Variants in YES1 observed in about 807,000 individuals in gnomAD.
The protein encoded by YES1 is tyrosine-protein kinase Yes.
In YES1, 39 loss-of-function variants were observed where a neutral mutation model predicts 70.4. The ratio of observed to expected loss-of-function variants is 0.55; its 90% confidence interval spans 0.43 to 0.72. The LOEUF is 0.72. Ranked by LOEUF, YES1 falls within the 30% of genes least tolerant of loss-of-function variation. The pLI, the probability that YES1 is intolerant of heterozygous loss-of-function variation, is 0.00. For missense variants in YES1, 495 were observed against 644.8 expected, an observed-to-expected ratio of 0.77 and a Z score of 2.52; for synonymous variants, 198 against 218.6, an observed-to-expected ratio of 0.91 and a Z score of 0.83.
intron 1 of YES1, among the ~76,000 whole-genome samples, chr18:775,933 CTTTTA>C (rs1404328943): frequency 6.6e-6 from 1 of 152,142 alleles, no homozygotes; most frequent in Non-Finnish European, 1.5e-5. Flanking sequence ...GTGTAGCATT[CTTTTA>C]TATGAATATA....
intron 1 of YES1, among the ~76,000 whole-genome samples, chr18:804,850 G>A (rs1907010314): frequency 7.2e-6 from 1 of 139,362 alleles, no homozygotes; most frequent in African/African-American, 2.7e-5. Context: ...GGAGGCTGAG[G>A]TTGTAGTGAG....
At chr18:796,096 A>C (rs1906531345) in intron 1 of YES1, among the ~76,000 whole-genome samples, 1 of 152,224 alleles carries the variant, frequency 6.6e-6, no homozygotes. Context: ...AAGTAACATT[A>C]AATCAAAATC....
At chr18:747,079 A>G (rs1050628168) in intron 4 of YES1, among the ~76,000 whole-genome samples, 5 of 152,224 alleles carry the variant, frequency 3.3e-5, no homozygotes, top group Admixed American at 2.6e-4. Context: ...TATAAAACTA[A>G]CTGAAAGTAA....
At chr18:799,422 T>C (rs961369483) in intron 1 of YES1, among the ~76,000 whole-genome samples, 1 of 152,150 alleles carries the variant, frequency 6.6e-6, no homozygotes, top group African/African-American at 2.4e-5. Flanking sequence ...AGAAGTATGG[T>C]TGTGAGGCTG....
intron 1 of YES1, chr18:797,972 C>A (rs773597653): frequency 3.9e-5 from 6 of 152,102 alleles, no homozygotes; most frequent in Non-Finnish European, 7.4e-5. Flanking sequence ...ACTATGATCT[C>A]TTAGGACAAA....
intron 1 of YES1, among the ~76,000 whole-genome samples, chr18:757,145 G>A (rs1410608474): frequency 6.6e-6 from 1 of 152,172 alleles, no homozygotes; most frequent in African/African-American, 2.4e-5. Flanking sequence ...TTTGAATCCT[G>A]GCTTCCTACT....
At chr18:804,164 A>C (rs1206647627) in intron 1 of YES1, among the ~76,000 whole-genome samples, 1 of 152,210 alleles carries the variant, frequency 6.6e-6, no homozygotes, top group East Asian at 1.9e-4. Flanking sequence ...TTTGTCAATT[A>C]AAAAAATTAA....
intron 3 of YES1, among the ~76,000 whole-genome samples, chr18:748,946 A>G (rs2080310935): frequency 6.6e-6 from 1 of 152,062 alleles, no homozygotes; most frequent in African/African-American, 2.4e-5. Context: ...AGATCACCTG[A>G]GGTCCAGAGT....
rs1267488241 is a variant in YES1 at position 736,970 on chromosome 18, G to A, written c.1138-9C>T. ...GCCATACCATCAGCAATCTTGGAAA[G>A]AGAAAAACAAAAAACACAAGACATA... On this transcript the variant is annotated splice_polypyrimidine_tract_variant and intron_variant, in intron 9 of 11. Coordinates refer to ENST00000314574, the MANE Select transcript of YES1 (RefSeq NM_005433.4). The A allele has an allele frequency of 3.1e-6, 5 of 1,593,022 alleles. No homozygotes were observed. Among genetic ancestry groups the A allele is most frequent in the Admixed American group, 3.5e-5 (2 of 57,376 alleles).
chr18:783,759 G>A (rs1024906439), intron 1 of YES1, among the ~76,000 whole-genome samples: 11 of 151,952 alleles, frequency 7.2e-5, no homozygotes, highest in African/African-American at 2.7e-4. Context: ...GGGATTACAG[G>A]CGCTGCCACC....
In YES1 at chr18:721,807, T is replaced by C. The variant is rs1049674631; in HGVS notation, c.*2617A>G. ...CACAAAACAATATTACAATACTTTATAAAAATATTAAGTTTAGGCTACCAT... is the reference window on the plus strand; with the variant it reads ...CACAAAACAATATTACAATACTTTACAAAAATATTAAGTTTAGGCTACCAT... On this transcript the variant is annotated 3_prime_UTR_variant, in exon 12 of 12. Transcript: ENST00000314574. The C allele has an allele frequency of 2.0e-5, 3 of 152,622 alleles. No individual in the cohort carries two copies. Among genetic ancestry groups the C allele is most frequent in the Admixed American group, 6.5e-5 (1 of 15,276 alleles). 9.5% of individuals were successfully genotyped at this position (152,622 alleles called of 1,614,324 possible).
At chr18:740,010 T>C (rs1186541567) in intron 8 of YES1, among the ~76,000 whole-genome samples, 199 bp from the exon 9 acceptor site, 1 of 152,168 alleles carries the variant, frequency 6.6e-6, no homozygotes, top group Non-Finnish European at 1.5e-5. Flanking sequence ...AAACTTCTGA[T>C]AACACATGCA....
chr18:751,488 T>G (rs1469445634), intron 3 of YES1, among the ~76,000 whole-genome samples: 2 of 152,226 alleles, frequency 1.3e-5, no homozygotes, highest in Non-Finnish European at 2.9e-5. Context: ...CTACTGTTTA[T>G]GGCAGAACCA....
chr18:798,012 C>T (rs1003847873), intron 1 of YES1: 1 of 152,112 alleles, frequency 6.6e-6, no homozygotes. Context: ...GAACACAGTC[C>T]CTCACTACTA....
At chr18:743,823 A>G (rs573624182) in intron 6 of YES1, among the ~76,000 whole-genome samples, 48 of 151,736 alleles carry the variant, frequency 3.2e-4, no homozygotes, top group Non-Finnish European at 6.6e-4. Flanking sequence ...GATGGATCGC[A>G]TGAACCCAGG....
chr18:772,489 A>G (rs1336857850), intron 1 of YES1, among the ~76,000 whole-genome samples: 1 of 151,120 alleles, frequency 6.6e-6, no homozygotes, highest in Non-Finnish European at 1.5e-5. Flanking sequence ...CTAGAGTGCA[A>G]TGGTGCGATC....
intron 1 of YES1, among the ~76,000 whole-genome samples, chr18:787,432 G>A (rs1398718437): frequency 6.6e-6 from 1 of 151,840 alleles, no homozygotes; most frequent in Non-Finnish European, 1.5e-5. Context: ...TTGTTGGGCT[G>A]GGCGCGGTGG....
intron 1 of YES1, among the ~76,000 whole-genome samples, chr18:776,616 G>C (rs1337544537): frequency 6.6e-6 from 1 of 152,118 alleles, no homozygotes; most frequent in Middle Eastern, 3.2e-3. Context: ...TGTATCCCCA[G>C]AACCTAGAAG....
rs150083418 is a variant in YES1, at chr18:757,547, G to A, written c.-8-712C>T. Among the ~76,000 whole-genome samples the A allele has an allele frequency of 3.8e-3, 573 of 150,700 alleles. 4 individuals carry two copies. Among genetic ancestry groups the A allele is most frequent in the African/African-American group, 0.013 (535 of 41,072 alleles). The stretch of plus-strand genomic sequence containing the variant: ...AGAAAAAGTATCTGGGGGGCCAGGC[G>A]CAGTGGCTCACACCTGTAATTGTAG... On this transcript the variant is annotated intron_variant, in intron 1 of 11. Transcript: ENST00000314574.
Sources: gnomAD v4.1 joint callset for allele counts (sites outside exome capture counted in the v4.1 genomes callset) on GRCh38, gnomAD v4.1.1 for gene constraint, MANE v1.5 for transcripts, NCBI Gene and HGNC (gene_info 2026-07-23, HGNC 2026-07-21) for gene names.